The following RAD51B variants were observed in gnomAD, a reference collection of about 807,000 sequenced individuals.
RAD51B encodes RAD51 paralog B, also known as DNA repair protein RAD51 homolog 2.
In RAD51B, 38 loss-of-function variants were observed where a neutral mutation model predicts 42.2. That is an observed-to-expected ratio of 0.90 (90% CI 0.70 to 1.18). The LOEUF (loss-of-function observed/expected upper bound fraction) is 1.18. RAD51B is among the 50% of genes most tolerant of loss of function. RAD51B has a pLI of 0.00. For missense variants in RAD51B, 373 were observed against 400.7 expected (o/e 0.93, Z 0.59); for synonymous variants, 154 against 145.2 (o/e 1.06, Z -0.43).
intron 9 of RAD51B, among the ~76,000 whole-genome samples, chr14:68,465,570 C>G (rs970347512): frequency 6.6e-6 from 1 of 152,180 alleles, no homozygotes. Flanking sequence ...ATAGGTGATG[C>G]AAACCCACAT....
chr14:68,181,604 G>A (rs1677347322), intron 7 of RAD51B, among the ~76,000 whole-genome samples: 1 of 152,216 alleles, frequency 6.6e-6, no homozygotes, highest in Admixed American at 6.5e-5. Context: ...CTGTGGCTTT[G>A]ATTATGCAAA....
chr14:68,244,449 C>G (rs534658823), intron 7 of RAD51B, among the ~76,000 whole-genome samples: 1 of 152,298 alleles, frequency 6.6e-6, no homozygotes, highest in East Asian at 1.9e-4. Flanking sequence ...GAAGATGGAG[C>G]AAACACCCAG....
At chr14:67,836,487 C>CT (rs61525158) in intron 4 of RAD51B, among the ~76,000 whole-genome samples, 46,463 of 141,472 alleles carry the variant, frequency 0.33, 7,785 homozygotes, top group Middle Eastern at 0.45. Context: ...AAATTAGCCT[C>CT]TTTTTTTTTT....
At chr14:68,628,981 C>A (rs1312784960) in intron 10 of RAD51B, among the ~76,000 whole-genome samples, 2 of 152,200 alleles carry the variant, frequency 1.3e-5, no homozygotes, top group Non-Finnish European at 2.9e-5. Context: ...GCAAACCAAC[C>A]CGAACGGGTT....
At chr14:68,034,823 G>T (rs915370338) in intron 7 of RAD51B, among the ~76,000 whole-genome samples, 1 of 152,094 alleles carries the variant, frequency 6.6e-6, no homozygotes, top group South Asian at 2.1e-4. Flanking sequence ...AAAATAGTAA[G>T]CCATTTCAGT....
At chr14:68,057,268 A>C (rs908468067) in intron 7 of RAD51B, among the ~76,000 whole-genome samples, 1 of 152,128 alleles carries the variant, frequency 6.6e-6, no homozygotes, top group African/African-American at 2.4e-5. Flanking sequence ...AAAGCCTTTA[A>C]AGAGAAAATG....
chr14:67,878,824 C>A (rs1051709896), intron 5 of RAD51B, among the ~76,000 whole-genome samples: 1 of 151,980 alleles, frequency 6.6e-6, no homozygotes, highest in African/African-American at 2.4e-5. Context: ...CTCAGCCTCC[C>A]GAATAGTTGC....
chr14:68,075,655 C>T (rs1430537477), intron 7 of RAD51B, among the ~76,000 whole-genome samples: 1 of 152,042 alleles, frequency 6.6e-6, no homozygotes, highest in Non-Finnish European at 1.5e-5. Context: ...TGGCAGCTGC[C>T]TTTGGGAGCT....
intron 7 of RAD51B, among the ~76,000 whole-genome samples, chr14:68,151,253 GT>G (rs2078372786): frequency 6.6e-6 from 1 of 151,412 alleles, no homozygotes; most frequent in Non-Finnish European, 1.5e-5. Flanking sequence ...GACTTTTATT[GT>G]TTCTGACTAG....
At chr14:68,011,394 G>A (rs1184894225) in intron 7 of RAD51B, among the ~76,000 whole-genome samples, 1 of 151,862 alleles carries the variant, frequency 6.6e-6, no homozygotes, top group Non-Finnish European at 1.5e-5. Context: ...TGATTAACAG[G>A]CTCCCCAAAA....
chr14:68,543,978 G>C (rs1888096168), intron 10 of RAD51B, among the ~76,000 whole-genome samples: 1 of 152,180 alleles, frequency 6.6e-6, no homozygotes, highest in Admixed American at 6.5e-5. Context: ...CCATTTGAAA[G>C]TCCAAGGAGA....
chr14:68,291,811 T>C, intron 7 of RAD51B, 73 bp from the exon 8 acceptor site: 1 of 1,168,842 alleles, frequency 8.6e-7, no homozygotes, highest in Non-Finnish European at 1.3e-6. Context: ...TTTTGATAGC[T>C]CTAATAATTA....
intron 7 of RAD51B, among the ~76,000 whole-genome samples, chr14:68,221,963 G>C (rs534825604): frequency 1.8e-4 from 28 of 152,240 alleles, no homozygotes; most frequent in Middle Eastern, 3.4e-3. Flanking sequence ...AATTATCAGG[G>C]AAATGCAAAT....
intron 10 of RAD51B, among the ~76,000 whole-genome samples, chr14:68,515,302 G>C (rs1433660025): frequency 1.3e-5 from 2 of 152,146 alleles, no homozygotes; most frequent in Non-Finnish European, 2.9e-5. Context: ...AGAAGGACCT[G>C]TGTCCAAGCT....
intron 7 of RAD51B, among the ~76,000 whole-genome samples, chr14:67,959,629 G>A (rs986648012): frequency 2.3e-4 from 35 of 152,246 alleles, no homozygotes; most frequent in African/African-American, 8.2e-4. Context: ...AGTGTTATTA[G>A]TTGACATAGT....
chr14:68,275,562 G>C (rs544769250), intron 7 of RAD51B, among the ~76,000 whole-genome samples: 1 of 152,150 alleles, frequency 6.6e-6, no homozygotes, highest in Non-Finnish European at 1.5e-5. Flanking sequence ...GGGAATTGGC[G>C]AGAAGCTATC....
rs111747132 is a variant in RAD51B, at chr14:68,514,311, A to T, written c.1036+46061A>T. 4.1e-3 allele frequency among the ~76,000 whole-genome samples: 626 copies of T among 152,336 alleles called. 7 individuals are homozygous for T. Among genetic ancestry groups the T allele is most frequent in the African/African-American group, 0.015 (603 of 41,574 alleles). On this transcript the variant is annotated intron_variant, in intron 10 of 10. Transcript: ENST00000487270. ...AAACTCCAGTCTTGCAGCACTTAGCAGGAAGCAGGACCTACTGTGGCCCAA... is the reference window on the plus strand; with the variant it reads ...AAACTCCAGTCTTGCAGCACTTAGCTGGAAGCAGGACCTACTGTGGCCCAA...
chr14:68,033,482 A>C (rs1181271998), intron 7 of RAD51B, among the ~76,000 whole-genome samples: 2 of 152,048 alleles, frequency 1.3e-5, no homozygotes, highest in Non-Finnish European at 2.9e-5. Context: ...ACTTCTGCCA[A>C]CTCTTATTCA....
At position 67,927,721 on chromosome 14, in the gene RAD51B, G is replaced by GTGTGTGTA. The variant is rs1555416791; in HGVS notation, c.756+40524_756+40525insATGTGTGT. Among the ~76,000 whole-genome samples the GTGTGTGTA allele has an allele frequency of 3.9e-4, 58 of 149,624 alleles. 1 individual carries two copies. Among genetic ancestry groups the GTGTGTGTA allele is most frequent in the South Asian group, 2.5e-3 (12 of 4,794 alleles). On this transcript the variant is annotated intron_variant, in intron 7 of 10. Transcript: ENST00000471583. ...TCATTGTATGTGTGTGTGTGTGTGT[G>GTGTGTGTA]TGTGTGTGTATTATATAATATATTC...
Sources: gnomAD v4.1 joint callset for allele counts (sites outside exome capture counted in the v4.1 genomes callset) on GRCh38, gnomAD v4.1.1 for gene constraint, MANE v1.5 for transcripts, NCBI Gene and HGNC (gene_info 2026-07-23, HGNC 2026-07-21) for gene names.